Variants in SPAG16 observed in about 807,000 individuals in gnomAD.
SPAG16 encodes the protein sperm-associated antigen 16 protein.
Under a neutral mutation model 80.4 loss-of-function variants are expected in SPAG16, and 86 were observed. The ratio of observed to expected loss-of-function variants is 1.07; its 90% CI spans 0.90 to 1.28. The LOEUF (loss-of-function observed/expected upper bound fraction) is 1.28. SPAG16 is among the 50% of genes most tolerant of loss of function. The pLI, the probability that SPAG16 is intolerant of heterozygous loss-of-function variation, is 0.00. For missense variants in SPAG16, 870 were observed against 765.3 expected (o/e 1.14, Z -1.61); for synonymous variants, 294 against 265.9 (o/e 1.11, Z -1.03).
At chr2:213,379,705 C>T (rs1401585214) in intron 9 of SPAG16, among the ~76,000 whole-genome samples, 1 of 152,308 alleles carries the variant, frequency 6.6e-6, no homozygotes, top group East Asian at 1.9e-4. Flanking sequence ...GCTGGCTGAT[C>T]ACCCCAAGGA....
At chr2:214,080,950 A>G (rs200122665) in intron 13 of SPAG16, among the ~76,000 whole-genome samples, 4 of 152,064 alleles carry the variant, frequency 2.6e-5, no homozygotes, top group South Asian at 2.1e-4. Flanking sequence ...AAGTTTTTCA[A>G]GTTCTCAGGT....
chr2:213,387,429 C>CTTTTTTTTTTTTTTTTTTTTTTTTTT lies in SPAG16; in HGVS notation c.942+12311_942+12312insTTTTTTTTTTTTTTTTTTTTTTTTTT, dbSNP rs1491308938. Reference sequence around the variant, plus strand: ...TTTTTGGGTTGGAATGAAATGCATGCTCTTTTTTTTTTTTTTTTTTTTTTT... The same window carrying CTTTTTTTTTTTTTTTTTTTTTTTTTT: ...TTTTTGGGTTGGAATGAAATGCATGCTTTTTTTTTTTTTTTTTTTTTTTTTTTCTTTTTTTTTTTTTTTTTTTTTTT... On this transcript the variant is annotated intron_variant, in intron 9 of 15. Transcript: ENST00000331683. Among the ~76,000 whole-genome samples the CTTTTTTTTTTTTTTTTTTTTTTTTTT allele has an allele frequency of 5.6e-5, 4 of 71,776 alleles. 1 individual carries two copies. Among genetic ancestry groups the CTTTTTTTTTTTTTTTTTTTTTTTTTT allele is most frequent in the Middle Eastern group, 7.8e-3 (1 of 128 alleles). The allele number at this position is 71,776 out of a possible 152,430, so 47.1% of individuals were successfully genotyped here.
intron 15 of SPAG16, among the ~76,000 whole-genome samples, chr2:214,234,046 C>G (rs1253497858): frequency 6.7e-6 from 1 of 148,532 alleles, no homozygotes; most frequent in Non-Finnish European, 1.5e-5. Context: ...CACCTGCCAC[C>G]TTTCAATAGG....
intron 15 of SPAG16, among the ~76,000 whole-genome samples, chr2:214,196,318 A>T (rs1446204445): frequency 2.0e-5 from 3 of 152,082 alleles, no homozygotes; most frequent in African/African-American, 7.2e-5. Context: ...TAAGCATGAA[A>T]GAATTTCTTG....
chr2:213,345,824 A>C (rs2064947247), intron 6 of SPAG16, among the ~76,000 whole-genome samples: 1 of 152,312 alleles, frequency 6.6e-6, no homozygotes, highest in African/African-American at 2.4e-5. Context: ...TGATGCTTCC[A>C]GCTTTGTTCT....
intron 9 of SPAG16, among the ~76,000 whole-genome samples, chr2:213,395,644 C>T (rs1404933727): frequency 6.6e-6 from 1 of 151,996 alleles, no homozygotes. Context: ...GATAAAATGC[C>T]CTATCATTAT....
chr2:213,336,171 A>T lies in SPAG16; in HGVS notation c.537-3992A>T, dbSNP rs192557689. On this transcript the variant is annotated intron_variant, in intron 5 of 15. Transcript: ENST00000331683. ...CCTGAAAACCTTGCTTTTGTCATGGATCCTTGCAACCTGCGGATCAGGAGT... is the reference window on the plus strand; with the variant it reads ...CCTGAAAACCTTGCTTTTGTCATGGTTCCTTGCAACCTGCGGATCAGGAGT... 2.3e-3 allele frequency among the ~76,000 whole-genome samples: 354 copies of T among 152,304 alleles called. 2 individuals carry two copies. Among genetic ancestry groups the T allele is most frequent in the African/African-American group, 7.9e-3 (328 of 41,582 alleles).
chr2:213,990,233 CA>C (rs1290816674), intron 12 of SPAG16, among the ~76,000 whole-genome samples: 1 of 152,190 alleles, frequency 6.6e-6, no homozygotes, highest in Admixed American at 6.6e-5. Flanking sequence ...TGAATATTAA[CA>C]TATCTAAATA....
chr2:213,746,761 C>T (rs760912448), intron 10 of SPAG16, among the ~76,000 whole-genome samples: 9 of 152,118 alleles, frequency 5.9e-5, no homozygotes, highest in South Asian at 2.1e-4. Context: ...GAGCCAAGAT[C>T]GCACCACTGC....
intron 9 of SPAG16, among the ~76,000 whole-genome samples, chr2:213,458,245 T>A (rs930936638): frequency 6.6e-6 from 1 of 152,012 alleles, no homozygotes; most frequent in African/African-American, 2.4e-5. Context: ...GCATCTGAGA[T>A]CATTTGCCTT....
intron 10 of SPAG16, among the ~76,000 whole-genome samples, chr2:213,860,947 A>AT (rs978137278): frequency 6.6e-6 from 1 of 152,128 alleles, no homozygotes; most frequent in African/African-American, 2.4e-5. Context: ...TTAATCTGAC[A>AT]TTTTTTACCT....
At chr2:213,930,416 G>GT (rs2078699310) in intron 12 of SPAG16, among the ~76,000 whole-genome samples, 1 of 152,124 alleles carries the variant, frequency 6.6e-6, no homozygotes. Flanking sequence ...TTGGAAAGCT[G>GT]TTTGTTTCAA....
At chr2:213,587,113 C>T (rs1047841367) in intron 10 of SPAG16, among the ~76,000 whole-genome samples, 1 of 152,172 alleles carries the variant, frequency 6.6e-6, no homozygotes, top group Non-Finnish European at 1.5e-5. Flanking sequence ...CCGAGCAGCC[C>T]TGTCCTTATA....
chr2:213,369,159 G>A (rs955262233), intron 8 of SPAG16, among the ~76,000 whole-genome samples: 11 of 152,144 alleles, frequency 7.2e-5, no homozygotes, highest in South Asian at 6.2e-4. Context: ...GACATTTTAA[G>A]ATGCAGGCAA....
chr2:214,375,488 A>G (rs1700071079), intron 15 of SPAG16, among the ~76,000 whole-genome samples: 1 of 152,144 alleles, frequency 6.6e-6, no homozygotes, highest in Non-Finnish European at 1.5e-5. Flanking sequence ...TAGTCTCTCA[A>G]CCAGTATGAG....
intron 11 of SPAG16, among the ~76,000 whole-genome samples, chr2:213,870,119 T>C (rs1300526790): frequency 6.6e-6 from 1 of 152,170 alleles, no homozygotes; most frequent in African/African-American, 2.4e-5. Context: ...ATATAACTGA[T>C]CTCTGGCCAG....
At chr2:213,913,604 C>T (rs368321828) in intron 11 of SPAG16, among the ~76,000 whole-genome samples, 132 of 9,042 alleles carry the variant, frequency 0.015, 2 homozygotes, top group East Asian at 0.074. Context: ...TGTATATGTA[C>T]ATGTACATAT....
intron 15 of SPAG16, among the ~76,000 whole-genome samples, chr2:214,317,268 C>T (rs1695760027): frequency 6.6e-6 from 1 of 152,230 alleles, no homozygotes; most frequent in Non-Finnish European, 1.5e-5. Flanking sequence ...AGTCTTCTGA[C>T]TTCCGGCCTA....
intron 3 of SPAG16, among the ~76,000 whole-genome samples, chr2:213,298,720 A>G (rs775809992): frequency 1.1e-4 from 16 of 152,234 alleles, no homozygotes; most frequent in Non-Finnish European, 1.6e-4. Flanking sequence ...ACTGAGCCAA[A>G]TATCAGTAAT....
Sources: allele counts gnomAD v4.1 joint callset (sites outside exome capture counted in the v4.1 genomes callset), GRCh38; gene constraint gnomAD v4.1.1; transcripts MANE v1.5; gene names NCBI Gene and HGNC (gene_info 2026-07-23, HGNC 2026-07-21).